RAC1: variants seen among roughly 807,000 people sequenced by gnomAD.
RAC1 encodes the protein Rac family small GTPase 1.
In RAC1, 2 loss-of-function variants were observed where a neutral mutation model predicts 25.2. That is an observed-to-expected ratio of 0.08 (90% CI 0.03 to 0.25). RAC1 has a LOEUF of 0.25. RAC1 is among the 10% of genes least tolerant of loss of function. The probability of loss-of-function intolerance (pLI) is 1.00; values close to 1 mark genes in which losing one functional copy is unlikely to be tolerated. For missense variants in RAC1, 50 were observed against 235.7 expected, an observed-to-expected ratio of 0.21 and a Z score of 5.16; for synonymous variants, 88 against 94.0, an observed-to-expected ratio of 0.94 and a Z score of 0.37.
chr7:6,374,840 G>A, intron 1 of RAC1, 70 bp downstream of exon 1: 2 of 1,050,872 alleles, frequency 1.9e-6, no homozygotes, highest in Non-Finnish European at 2.3e-6. Flanking sequence ...GCCCGGACTG[G>A]GGCCCAGGCA....
At chr7:6,401,153 A>G (rs1240325198) in intron 4 of RAC1, among the ~76,000 whole-genome samples, 3 of 150,132 alleles carry the variant, frequency 2.0e-5, no homozygotes, top group Non-Finnish European at 3.0e-5. Context: ...ACGGGGTTTC[A>G]CCATGTTTGC....
At chr7:6,389,529 A>T (rs983088289) in intron 2 of RAC1, among the ~76,000 whole-genome samples, 3 of 151,970 alleles carry the variant, frequency 2.0e-5, no homozygotes, top group African/African-American at 2.4e-5. Context: ...AAAATACAAA[A>T]ATTAGCTGGG....
At chr7:6,392,303 T>TA (rs1176991259) in intron 3 of RAC1, among the ~76,000 whole-genome samples, 1 of 152,208 alleles carries the variant, frequency 6.6e-6, no homozygotes, top group Non-Finnish European at 1.5e-5. Context: ...ATGAAAGAGC[T>TA]ACTTTTTGTT....
chr7:6,383,602 G>A (rs1266473097), intron 1 of RAC1, among the ~76,000 whole-genome samples: 1 of 151,914 alleles, frequency 6.6e-6, no homozygotes, highest in Non-Finnish European at 1.5e-5. Context: ...GAAGTTTAGA[G>A]GATTTTAGAC....
chr7:6,402,561 A>G lies in RAC1; in HGVS notation c.*115A>G, dbSNP rs1320741095. 3.9e-6 allele frequency: 4 copies of G among 1,025,040 alleles called. No individual in the cohort carries two copies. Among genetic ancestry groups the G allele is most frequent in the Admixed American group, 3.9e-5 (1 of 25,340 alleles). The allele number at this position is 1,025,040 out of a possible 1,614,324, so 63.5% of individuals were successfully genotyped here. A position where few individuals can be genotyped will look rare whatever the true frequency, so the allele number is the denominator to read the frequency against. On this transcript the variant is annotated 3_prime_UTR_variant, in exon 6 of 6. Coordinates refer to ENST00000348035, the MANE Select transcript of RAC1 (RefSeq NM_006908.5). The stretch of plus-strand genomic sequence containing the variant: ...AACAACGGTGGAGCCTTCGCACTCA[A>G]TGCCAACTTTTTGTTACAGATTAAT...
intron 1 of RAC1, among the ~76,000 whole-genome samples, chr7:6,382,341 A>T (rs750200692): frequency 6.6e-6 from 1 of 152,198 alleles, no homozygotes; most frequent in African/African-American, 2.4e-5. Context: ...TTGGTTTGCA[A>T]TTGTAATTGT....
chr7:6,377,933 A>ATCT (rs1442937971), intron 1 of RAC1, among the ~76,000 whole-genome samples: 1 of 152,052 alleles, frequency 6.6e-6, no homozygotes, highest in Non-Finnish European at 1.5e-5. Flanking sequence ...AAGGAGATAC[A>ATCT]TCTTCATCTG....
intron 1 of RAC1, among the ~76,000 whole-genome samples, chr7:6,376,679 T>G (rs1257833523): frequency 1.3e-5 from 2 of 149,422 alleles, no homozygotes; most frequent in Non-Finnish European, 3.0e-5. Context: ...TTTGTTTTTT[T>G]TTTTTTTTTT....
Position 6,402,612 on chromosome 7 carries a change from C to T in RAC1, c.*166C>T, listed in dbSNP as rs1442539875. On this transcript the variant is annotated 3_prime_UTR_variant, in exon 6 of 6. Coordinates refer to ENST00000348035, the MANE Select transcript of RAC1 (RefSeq NM_006908.5). ...TTTTCCATAAAACCATTTTTTGAACCAATCAGTAATTTTAAGGTTTTGTTT... is the reference window on the plus strand; with the variant it reads ...TTTTCCATAAAACCATTTTTTGAACTAATCAGTAATTTTAAGGTTTTGTTT... The T allele has an allele frequency of 4.3e-5, 26 of 603,724 alleles. No individual in the cohort carries two copies. In the East Asian group the frequency reaches 7.8e-4, roughly 18 times the overall value. The allele number at this position is 603,724 out of a possible 1,614,324, so 37.4% of individuals were successfully genotyped here. A position where few individuals can be genotyped will look rare whatever the true frequency, so the allele number is the denominator to read the frequency against.
At chr7:6,381,121 G>A (rs1782751179) in intron 1 of RAC1, among the ~76,000 whole-genome samples, 1 of 152,110 alleles carries the variant, frequency 6.6e-6, no homozygotes. Flanking sequence ...ACCTGCCTCG[G>A]CCTCCCAAAG....
chr7:6,382,676 A>G (rs1409794050), intron 1 of RAC1, among the ~76,000 whole-genome samples: 2 of 152,250 alleles, frequency 1.3e-5, no homozygotes, highest in African/African-American at 4.8e-5. Flanking sequence ...CAGTCTGGCC[A>G]ACATGGCAAA....
chr7:6,376,117 C>T (rs1045960228), intron 1 of RAC1, among the ~76,000 whole-genome samples: 3 of 149,150 alleles, frequency 2.0e-5, no homozygotes, highest in African/African-American at 7.4e-5. Flanking sequence ...GTAAGATGCC[C>T]ATCTGTCGGA....
chr7:6,399,879 G>T (rs576697143), intron 3 of RAC1: 1 of 542,744 alleles, frequency 1.8e-6, no homozygotes, highest in East Asian at 3.0e-5. Flanking sequence ...CCTGATCCTT[G>T]AAGAGCTTCC....
At chr7:6,388,776 A>G (rs1478490003) in intron 2 of RAC1, among the ~76,000 whole-genome samples, 1 of 152,164 alleles carries the variant, frequency 6.6e-6, no homozygotes, top group Non-Finnish European at 1.5e-5. Context: ...GATTTAACCC[A>G]CTGGTCACTT....
intron 4 of RAC1, among the ~76,000 whole-genome samples, chr7:6,400,665 CTTTT>C (rs1167663954): frequency 6.7e-6 from 1 of 149,904 alleles, no homozygotes; most frequent in Non-Finnish European, 1.5e-5. Flanking sequence ...TTGAGAGAGT[CTTTT>C]TTTTTGTTTT....
At chr7:6,391,240 T>C (rs963077366) in intron 2 of RAC1, among the ~76,000 whole-genome samples, 1 of 152,046 alleles carries the variant, frequency 6.6e-6, no homozygotes, top group Non-Finnish European at 1.5e-5. Context: ...TTTTCTTTTT[T>C]GCCTTCCTGT....
chr7:6,395,258 G>T (rs1451055390), intron 3 of RAC1, among the ~76,000 whole-genome samples: 1 of 152,154 alleles, frequency 6.6e-6, no homozygotes, highest in African/African-American at 2.4e-5. Flanking sequence ...GAGCCACTAC[G>T]CCTGGCCAGT....
chr7:6,388,810 T>G (rs999771071), intron 2 of RAC1, among the ~76,000 whole-genome samples: 1 of 152,198 alleles, frequency 6.6e-6, no homozygotes, highest in African/African-American at 2.4e-5. Flanking sequence ...TAACAAACAT[T>G]GCTGGGTTCA....
intron 1 of RAC1, among the ~76,000 whole-genome samples, chr7:6,377,650 C>T (rs998994812): frequency 6.6e-6 from 1 of 151,756 alleles, no homozygotes; most frequent in African/African-American, 2.4e-5. Flanking sequence ...CACGGTAGCT[C>T]AAGCCTGTAA....
Sources: gnomAD v4.1 joint callset for allele counts (sites outside exome capture counted in the v4.1 genomes callset) on GRCh38, gnomAD v4.1.1 for gene constraint, MANE v1.5 for transcripts, NCBI Gene and HGNC (gene_info 2026-07-23, HGNC 2026-07-21) for gene names.